The following UNC5D variants were observed in gnomAD, a reference collection of about 807,000 sequenced individuals.
UNC5D encodes unc-5 netrin receptor D, also known as netrin receptor UNC5D.
A neutral mutation model predicts 105.4 loss-of-function variants in UNC5D; 39 were observed. The ratio of observed to expected loss-of-function variants is 0.37; its 90% CI spans 0.29 to 0.48. The LOEUF (loss-of-function observed/expected upper bound fraction) is 0.48, where lower values mean the gene tolerates loss of function less well. Among genes scored for constraint, UNC5D ranks in the 20% least tolerant of loss-of-function variants. The pLI is 0.98. For synonymous variants in UNC5D, 452 were observed against 450.4 expected, an observed-to-expected ratio of 1.00 and a Z score of -0.04; for missense variants, 991 against 1,202.4, an observed-to-expected ratio of 0.82 and a Z score of 2.60.
chr8:35,634,011 A>C lies in UNC5D; in HGVS notation c.570+38354A>C, dbSNP rs571003483. ...TCAGCTATTAGAATTTACAGAGAAC[A>C]CAAGCTTTGTAAAACCAAACCAAAT... is the stretch of plus-strand genomic sequence containing the variant. On this transcript the variant is annotated intron_variant, in intron 4 of 16. Coordinates refer to ENST00000404895, the MANE Select transcript of UNC5D (RefSeq NM_080872.4). Among the ~76,000 whole-genome samples the C allele has an allele frequency of 2.0e-5, 3 of 152,370 alleles. No homozygotes were observed. In the South Asian group the frequency reaches 6.2e-4, roughly 32 times the overall value.
intron 1 of UNC5D, among the ~76,000 whole-genome samples, chr8:35,503,123 T>A (rs763675715): frequency 1.3e-5 from 2 of 152,160 alleles, no homozygotes; most frequent in Non-Finnish European, 2.9e-5. Context: ...GCCTAAATTC[T>A]CTCAGCTAAG....
At chr8:35,363,935 C>T (rs185660944) in intron 1 of UNC5D, among the ~76,000 whole-genome samples, 79 of 152,208 alleles carry the variant, frequency 5.2e-4, no homozygotes, top group African/African-American at 1.9e-3. Context: ...GTAGTCCCAG[C>T]ACTTTGGGAG....
intron 2 of UNC5D, among the ~76,000 whole-genome samples, chr8:35,561,907 T>C (rs2130756201): frequency 6.6e-6 from 1 of 152,336 alleles, no homozygotes; most frequent in East Asian, 1.9e-4. Flanking sequence ...CTTTTCTAGC[T>C]ATTTTGAAAT....
Position 35,236,014 on chromosome 8 carries a change from C to T in UNC5D, c.103+127C>T, listed in dbSNP as rs150825684. ...CTGCACCTCGGCGCTCCAAGCCCAACCGGATGGGAGCCGAGTGGAGGACTC... is the reference window on the plus strand; with the variant it reads ...CTGCACCTCGGCGCTCCAAGCCCAATCGGATGGGAGCCGAGTGGAGGACTC... On this transcript the variant is annotated intron_variant, in intron 1 of 16. Transcript: ENST00000404895. 5,635 of 842,102 alleles carry T rather than the reference C, an allele frequency of 6.7e-3. 114 individuals are homozygous for T. The South Asian group carries it at 0.075, about 11-fold the overall frequency. 52.2% of individuals were successfully genotyped at this position (842,102 alleles called of 1,614,324 possible). A position where few individuals can be genotyped will look rare whatever the true frequency, so the allele number is the denominator to read the frequency against.
At chr8:35,559,153 G>A (rs749038944) in intron 2 of UNC5D, among the ~76,000 whole-genome samples, 44 of 152,222 alleles carry the variant, frequency 2.9e-4, no homozygotes, top group Admixed American at 6.5e-4. Context: ...ATCATGAAGC[G>A]CTATAATGTG....
intron 4 of UNC5D, among the ~76,000 whole-genome samples, chr8:35,644,722 A>G (rs1303035507): frequency 6.6e-6 from 1 of 152,182 alleles, no homozygotes; most frequent in Non-Finnish European, 1.5e-5. Context: ...AAAAATGTAT[A>G]ACATTTTCTC....
intron 16 of UNC5D, among the ~76,000 whole-genome samples, chr8:35,775,962 G>C (rs1225679059): frequency 1.3e-5 from 2 of 152,110 alleles, no homozygotes; most frequent in African/African-American, 4.8e-5. Context: ...GAGTGTACAG[G>C]GGAAAAAAAT....
In UNC5D at chr8:35,549,340, G is replaced by A; in HGVS notation, c.152G>A (p.Gly51Glu). ...ALPESIPSAP[G>E]TLPHFIEEPD... ...CCCGAATCCATCCCATCAGCTCCTG[G>A]GACACTGCCTCATTTCATAGAGGAG... is the stretch of plus-strand genomic sequence containing the variant. The change falls in exon 2 of 17, where the codon GGG becomes GAG. Residue 51 changes from glycine to glutamate, a missense_variant. Gly to Glu is a moderately conservative substitution (Grantham distance 98). Coordinates refer to ENST00000404895, the MANE Select transcript of UNC5D (RefSeq NM_080872.4). 1 of 1,613,464 alleles carries A rather than the reference G, an allele frequency of 6.2e-7. No homozygotes were observed. Among genetic ancestry groups the A allele is most frequent in the Non-Finnish European group, 8.5e-7 (1 of 1,180,038 alleles).
At position 35,635,175 on chromosome 8, in the gene UNC5D, A is replaced by G. The variant is rs117524319; in HGVS notation, c.570+39518A>G. On this transcript the variant is annotated intron_variant, in intron 4 of 16. Coordinates refer to ENST00000404895, the MANE Select transcript of UNC5D (RefSeq NM_080872.4). ...CCGTAATATACATCGTGTTTTGGGG[A>G]GACTGTATCCCTTATTCTCTTCTTT... 6.8e-4 allele frequency among the ~76,000 whole-genome samples: 103 copies of G among 152,116 alleles called. No individual in the cohort carries two copies. The East Asian group carries it at 0.019, about 28-fold the overall frequency.
At chr8:35,522,162 TA>T (rs1201631602) in intron 1 of UNC5D, among the ~76,000 whole-genome samples, 11 of 152,354 alleles carry the variant, frequency 7.2e-5, no homozygotes, top group Non-Finnish European at 1.2e-4. Flanking sequence ...TTAACATTTA[TA>T]TTTTTTTATT....
intron 1 of UNC5D, among the ~76,000 whole-genome samples, chr8:35,385,215 G>A (rs1407331970): frequency 6.6e-6 from 1 of 152,148 alleles, no homozygotes; most frequent in Non-Finnish European, 1.5e-5. Context: ...TACTCCTTAT[G>A]CTTGATTCTC....
At chr8:35,322,647 G>A (rs751156728) in intron 1 of UNC5D, among the ~76,000 whole-genome samples, 1 of 152,148 alleles carries the variant, frequency 6.6e-6, no homozygotes. Context: ...ATATGTGTAC[G>A]TGAAATTTCC....
chr8:35,457,817 G>A (rs941516687), intron 1 of UNC5D, among the ~76,000 whole-genome samples: 7 of 152,138 alleles, frequency 4.6e-5, no homozygotes, highest in Non-Finnish European at 8.8e-5. Context: ...CATGTTCCCA[G>A]TGGTTATCCC....
At chr8:35,305,064 G>C (rs144894211) in intron 1 of UNC5D, among the ~76,000 whole-genome samples, 45 of 152,052 alleles carry the variant, frequency 3.0e-4, no homozygotes, top group Non-Finnish European at 6.0e-4. Context: ...TACTCTGAAG[G>C]TCATCCTCAT....
chr8:35,750,991 T>A (rs1016929499), intron 13 of UNC5D, among the ~76,000 whole-genome samples, 182 bp downstream of exon 13: 1 of 152,074 alleles, frequency 6.6e-6, no homozygotes, highest in Non-Finnish European at 1.5e-5. Flanking sequence ...GACAGAGGAA[T>A]TGCAATAAAG....
At chr8:35,334,448 G>T (rs1260019424) in intron 1 of UNC5D, among the ~76,000 whole-genome samples, 1 of 151,938 alleles carries the variant, frequency 6.6e-6, no homozygotes, top group African/African-American at 2.4e-5. Context: ...GTGGTTAAGG[G>T]CATAAATTTT....
intron 1 of UNC5D, among the ~76,000 whole-genome samples, chr8:35,408,649 T>G (rs1585773629): frequency 6.6e-6 from 1 of 151,872 alleles, no homozygotes; most frequent in Non-Finnish European, 1.5e-5. Context: ...TTTCCTATAT[T>G]AAAGAGTGTG....
intron 3 of UNC5D, among the ~76,000 whole-genome samples, chr8:35,595,303 C>T (rs1419690714): frequency 6.6e-6 from 1 of 152,034 alleles, no homozygotes; most frequent in Non-Finnish European, 1.5e-5. Flanking sequence ...TTTTCCTACT[C>T]TCCTAGTTAT....
At chr8:35,616,291 T>TC (rs1821020789) in intron 4 of UNC5D, among the ~76,000 whole-genome samples, 1 of 152,222 alleles carries the variant, frequency 6.6e-6, no homozygotes, top group Non-Finnish European at 1.5e-5. Flanking sequence ...ATGTGTCAGA[T>TC]ATTGTGTGCT....
Sources: allele counts gnomAD v4.1 joint callset (sites outside exome capture counted in the v4.1 genomes callset), GRCh38; gene constraint gnomAD v4.1.1; transcripts MANE v1.5; gene names NCBI Gene and HGNC (gene_info 2026-07-23, HGNC 2026-07-21).